Variants in DNAH11 observed in about 807,000 individuals in gnomAD.
The protein encoded by DNAH11 is dynein axonemal heavy chain 11.
In DNAH11, 442 loss-of-function variants were observed where a neutral mutation model predicts 526.0. The observed-to-expected ratio is 0.84, with a 90% CI of 0.78 to 0.91. The LOEUF (loss-of-function observed/expected upper bound fraction) is 0.91, where lower values mean the gene tolerates loss of function less well. Ranked by LOEUF, DNAH11 falls within the 40% of genes least tolerant of loss-of-function variation. The pLI is 0.00. For synonymous variants in DNAH11, 2,461 were observed against 1,935.9 expected (o/e 1.27, Z -7.12); for missense variants, 6,989 against 5,448.7 (o/e 1.28, Z -8.90).
At chr7:21,564,043 A>G in intron 5 of DNAH11, 143 bp from the exon 6 acceptor site, 3 of 547,636 alleles carry the variant, frequency 5.5e-6, no homozygotes, top group Middle Eastern at 4.8e-4. Context: ...TGTAGATTGT[A>G]GGATAAGTAA....
intron 66 of DNAH11, among the ~76,000 whole-genome samples, chr7:21,851,822 G>GT (rs961847409): frequency 6.6e-6 from 1 of 152,050 alleles, no homozygotes; most frequent in East Asian, 1.9e-4. Flanking sequence ...TTGTTGATGA[G>GT]TTTTTTTCCT....
At chr7:21,718,012 A>G in intron 43 of DNAH11, 87 bp downstream of exon 43, 1 of 1,491,330 alleles carries the variant, frequency 6.7e-7, no homozygotes. Flanking sequence ...TGCCTTGCCC[A>G]AGAAAGTGAG....
At chr7:21,679,583 C>A (rs1482872415) in intron 30 of DNAH11, among the ~76,000 whole-genome samples, 1 of 152,082 alleles carries the variant, frequency 6.6e-6, no homozygotes, top group East Asian at 1.9e-4. Context: ...TGTCGTGTAT[C>A]CTGAATATCT....
In DNAH11 at chr7:21,842,604, C is replaced by T. The variant is rs1453916333; in HGVS notation, c.10752C>T (p.His3584=). The T allele has an allele frequency of 6.2e-7, 1 of 1,613,944 alleles. No individual in the cohort carries two copies. The highest frequency in any genetic ancestry group is 8.5e-7 in the Non-Finnish European group (1 of 1,179,872). The change falls in exon 66 of 82, where the codon CAC becomes CAT. Residue 3584 remains histidine (H), a synonymous_variant. Coordinates refer to ENST00000409508, the MANE Select transcript of DNAH11 (RefSeq NM_001277115.2). Reference sequence around the variant, plus strand: ...ACAAGAACTTTCGCCTTATCCTTCACACAAAATTGGCAAATCCTCACTATA... The same window carrying T: ...ACAAGAACTTTCGCCTTATCCTTCATACAAAATTGGCAAATCCTCACTATA... ...EFNKNFRLIL[H]TKLANPHYKP... is the part of the protein sequence containing the mutation.
At chr7:21,783,504 C>A (rs539930958) in intron 57 of DNAH11, among the ~76,000 whole-genome samples, 1 of 152,246 alleles carries the variant, frequency 6.6e-6, no homozygotes, top group South Asian at 2.1e-4. Context: ...ACCACGGGAA[C>A]CGTCTCCCAT....
intron 56 of DNAH11, among the ~76,000 whole-genome samples, chr7:21,777,462 C>G (rs1435575854): frequency 5.3e-5 from 8 of 151,814 alleles, no homozygotes; most frequent in Non-Finnish European, 1.2e-4. Flanking sequence ...TTGTGTGGTA[C>G]TTGGATGTTT....
At chr7:21,639,751 A>G (rs1014073591) in intron 28 of DNAH11, among the ~76,000 whole-genome samples, 5 of 152,210 alleles carry the variant, frequency 3.3e-5, no homozygotes, top group Admixed American at 6.5e-5. Flanking sequence ...AATCATTCCT[A>G]TTCACTTAGA....
chr7:21,653,436 G>C (rs1781871972), intron 28 of DNAH11, among the ~76,000 whole-genome samples: 1 of 152,120 alleles, frequency 6.6e-6, no homozygotes, highest in Non-Finnish European at 1.5e-5. Flanking sequence ...GTGTTTCCTG[G>C]TCATTGAGTT....
intron 42 of DNAH11, among the ~76,000 whole-genome samples, chr7:21,714,090 A>G (rs1784560660): frequency 6.6e-6 from 1 of 152,164 alleles, no homozygotes; most frequent in African/African-American, 2.4e-5. Flanking sequence ...CCCAAGGCAT[A>G]TGTAATTCAG....
chr7:21,623,937 C>T (rs1051722884), intron 25 of DNAH11, among the ~76,000 whole-genome samples: 1 of 150,740 alleles, frequency 6.6e-6, no homozygotes, highest in Non-Finnish European at 1.5e-5. Context: ...GCACATTGTG[C>T]ACATGTACCC....
chr7:21,651,363 T>C (rs535214402), intron 28 of DNAH11, among the ~76,000 whole-genome samples: 12 of 152,230 alleles, frequency 7.9e-5, no homozygotes, highest in Admixed American at 7.8e-4. Flanking sequence ...TTTTATTTTT[T>C]ATTTATTTAT....
chr7:21,887,194 A>G (rs1035032923), intron 76 of DNAH11, among the ~76,000 whole-genome samples: 1 of 152,224 alleles, frequency 6.6e-6, no homozygotes, highest in Non-Finnish European at 1.5e-5. Flanking sequence ...CCAAAGAATC[A>G]GAATGCTTTC....
rs745452119 is a variant in DNAH11 at position 21,735,593 on chromosome 7, C to G, written c.7441-47C>G. On this transcript the variant is annotated intron_variant, in intron 45 of 81. Transcript: ENST00000409508. ...TTGGAATGCCTCTCTCTCGCACGCA[C>G]TCTCTCTCTCTTTCTGATCTTTGTC... is the stretch of plus-strand genomic sequence containing the variant. 33 of 1,522,370 alleles carry G rather than the reference C, an allele frequency of 2.2e-5. 1 individual carries two copies. Among genetic ancestry groups the G allele is most frequent in the South Asian group, 2.0e-4 (16 of 82,008 alleles). The allele number at this position is 1,522,370 out of a possible 1,614,324, so 94.3% of individuals were successfully genotyped here. A position where few individuals can be genotyped will look rare whatever the true frequency, so the allele number is the denominator to read the frequency against.
intron 34 of DNAH11, among the ~76,000 whole-genome samples, chr7:21,687,906 T>G (rs1298230721): frequency 6.6e-6 from 1 of 152,044 alleles, no homozygotes; most frequent in Admixed American, 6.6e-5. Context: ...TAAATAAATT[T>G]TAAAAATTAG....
intron 66 of DNAH11, among the ~76,000 whole-genome samples, chr7:21,845,893 T>G (rs550874436): frequency 1.3e-5 from 2 of 152,314 alleles, no homozygotes; most frequent in South Asian, 4.1e-4. Flanking sequence ...CTCCATTGTT[T>G]AGATCTTTGA....
chr7:21,622,823 T>C (rs1023616595), intron 25 of DNAH11, among the ~76,000 whole-genome samples: 1 of 152,156 alleles, frequency 6.6e-6, no homozygotes, highest in African/African-American at 2.4e-5. Context: ...TAATTCACGA[T>C]GGATTAAAGA....
chr7:21,614,578 G>C (rs936504591), intron 20 of DNAH11, among the ~76,000 whole-genome samples: 6 of 152,174 alleles, frequency 3.9e-5, no homozygotes, highest in Non-Finnish European at 5.9e-5. Context: ...GTATATAATT[G>C]AACCTTGATA....
Position 21,658,660 on chromosome 7 carries a change from C to T in DNAH11, c.5095-138C>T, listed in dbSNP as rs368376652. 2.0e-4 allele frequency: 125 copies of T among 620,540 alleles called. No individual in the cohort carries two copies. The African/African-American group carries it at 2.2e-3, about 11-fold the overall frequency. The allele number at this position is 620,540 out of a possible 1,614,324, so 38.4% of individuals were successfully genotyped here. A position where few individuals can be genotyped will look rare whatever the true frequency, so the allele number is the denominator to read the frequency against. On this transcript the variant is annotated intron_variant, in intron 29 of 81. Coordinates refer to ENST00000409508, the MANE Select transcript of DNAH11 (RefSeq NM_001277115.2). The stretch of plus-strand genomic sequence containing the variant: ...GTTCACTTTCCCCTTTGAGTTATGC[C>T]TCTTGCAGTTTTCTACCTGGGTTTA...
At chr7:21,665,906 G>A (rs1562739365) in intron 30 of DNAH11, among the ~76,000 whole-genome samples, 1 of 152,074 alleles carries the variant, frequency 6.6e-6, no homozygotes, top group Non-Finnish European at 1.5e-5. Context: ...AGAAATGTTT[G>A]CATCTAAGTT....
Sources: allele counts gnomAD v4.1 joint callset (sites outside exome capture counted in the v4.1 genomes callset), GRCh38; gene constraint gnomAD v4.1.1; transcripts MANE v1.5; gene names NCBI Gene and HGNC (gene_info 2026-07-23, HGNC 2026-07-21).